RASSF5: variants seen among roughly 807,000 people sequenced by gnomAD.
RASSF5 encodes Ras association domain family member 5, also known as ras association domain-containing protein 5.
Under a neutral mutation model 40.5 loss-of-function variants are expected in RASSF5, and 25 were observed. The observed-to-expected ratio is 0.62, with a 90% CI of 0.45 to 0.86. The LOEUF (loss-of-function observed/expected upper bound fraction) is 0.86. RASSF5 is among the 40% of genes least tolerant of loss of function. The pLI is 0.00. For synonymous variants in RASSF5, 246 were observed against 252.4 expected (o/e 0.97, Z 0.24); for missense variants, 521 against 572.8 (o/e 0.91, Z 0.92).
At chr1:206,551,628 AG>A (rs1667843853) in intron 2 of RASSF5, among the ~76,000 whole-genome samples, 1 of 152,230 alleles carries the variant, frequency 6.6e-6, no homozygotes, top group South Asian at 2.1e-4. Context: ...CTTCCCAAAA[AG>A]GAGGCACCTG....
intron 2 of RASSF5, among the ~76,000 whole-genome samples, chr1:206,569,660 T>A (rs984964469): frequency 3.3e-5 from 5 of 152,236 alleles, no homozygotes; most frequent in African/African-American, 4.8e-5. Context: ...CTTAGTTTGC[T>A]CTAGAATGTG....
At chr1:206,519,320 T>C (rs1355168667) in intron 1 of RASSF5, among the ~76,000 whole-genome samples, 2 of 152,212 alleles carry the variant, frequency 1.3e-5, no homozygotes, top group Non-Finnish European at 2.9e-5. Context: ...GCACCTGCCT[T>C]CCAGCCTTGG....
At chr1:206,544,325 C>T (rs1205707387) in intron 2 of RASSF5, 2 of 152,188 alleles carry the variant, frequency 1.3e-5, no homozygotes, top group Non-Finnish European at 2.9e-5. Context: ...GTACCTCTAA[C>T]AGTCTTGCTA....
At chr1:206,512,608 A>G (rs368356388) in intron 1 of RASSF5, among the ~76,000 whole-genome samples, 82 of 152,020 alleles carry the variant, frequency 5.4e-4, no homozygotes, top group African/African-American at 1.6e-3. Context: ...CTTCTCCCCA[A>G]TTCTACCGGC....
chr1:206,584,515 C>A lies in RASSF5; in HGVS notation c.819C>A (p.Thr273=), dbSNP rs781985802. 5.0e-6 allele frequency: 8 copies of A among 1,614,028 alleles called. No homozygotes were observed. The Admixed American group carries it at 1.0e-4, about 20-fold the overall frequency. Residue 273 remains threonine (T), a synonymous_variant, in exon 4 of 6, where the codon ACC becomes ACA. Coordinates refer to ENST00000579436, the MANE Select transcript of RASSF5 (RefSeq NM_182663.4). This position sits in a 1 kb window ranked among gnomAD's most constrained non-coding sequence, Gnocchi z 4.9. The stretch of plus-strand genomic sequence containing the variant: ...TCAAGGAGGTGAACCTGGCGGCTAC[C>A]ACGGACAAGCGGACATCCTTCTACC... ...DAIKEVNLAA[T]TDKRTSFYLP...
chr1:206,567,802 C>T (rs1668327592), intron 2 of RASSF5, among the ~76,000 whole-genome samples: 4 of 152,012 alleles, frequency 2.6e-5, no homozygotes, highest in African/African-American at 2.4e-5. Context: ...GGTGATTGGG[C>T]GTTGATATGT....
At position 206,538,158 on chromosome 1, in the gene RASSF5, T is replaced by G. The variant is rs1480481004; in HGVS notation, c.458-14T>G. 1 of 1,614,072 alleles carries G rather than the reference T, an allele frequency of 6.2e-7. No individual in the cohort carries two copies. Among genetic ancestry groups the G allele is most frequent in the African/African-American group, 1.3e-5 (1 of 74,934 alleles). ...TGCCTGTCCTCTAATCTCCCTTTTG[T>G]TCTTTACCTCCAGACTGTAAATTCA... is the stretch of plus-strand genomic sequence containing the variant. On this transcript the variant is annotated splice_polypyrimidine_tract_variant and intron_variant, in intron 1 of 5. Coordinates refer to ENST00000579436, the MANE Select transcript of RASSF5 (RefSeq NM_182663.4).
At chr1:206,508,761 G>A (rs986876411) in intron 1 of RASSF5, among the ~76,000 whole-genome samples, 1 of 151,852 alleles carries the variant, frequency 6.6e-6, no homozygotes, top group Non-Finnish European at 1.5e-5. Flanking sequence ...TGCCCTAGTC[G>A]TCATGCTCTA....
chr1:206,524,804 G>C (rs868931701), intron 1 of RASSF5, among the ~76,000 whole-genome samples: 1 of 149,644 alleles, frequency 6.7e-6, no homozygotes, highest in Non-Finnish European at 1.5e-5. Context: ...GTTGAAGCAC[G>C]GATTGCTAAA....
intron 1 of RASSF5, among the ~76,000 whole-genome samples, chr1:206,523,077 G>A (rs564508529): frequency 6.6e-6 from 1 of 151,846 alleles, no homozygotes; most frequent in African/African-American, 2.4e-5. Context: ...GACTGAGGTG[G>A]GCAGACCACC....
At chr1:206,573,508 T>C (rs1553404585) in intron 2 of RASSF5, among the ~76,000 whole-genome samples, 1 of 152,222 alleles carries the variant, frequency 6.6e-6, no homozygotes, top group Non-Finnish European at 1.5e-5. Context: ...TCAGTATAAA[T>C]GGAAATCCAA....
At chr1:206,556,878 G>GT (rs1668003901) in intron 2 of RASSF5, among the ~76,000 whole-genome samples, 1 of 152,150 alleles carries the variant, frequency 6.6e-6, no homozygotes, top group African/African-American at 2.4e-5. Context: ...AGGAGGGATG[G>GT]TGTTGCCCTT....
intron 2 of RASSF5, among the ~76,000 whole-genome samples, chr1:206,546,089 A>ATTTTTT (rs10603701): frequency 8.3e-5 from 4 of 48,232 alleles, no homozygotes; most frequent in African/African-American, 1.6e-4. Flanking sequence ...TTCTTTTTCT[A>ATTTTTT]TTTTTTTTTT....
At chr1:206,524,072 TATA>T (rs1667018597) in intron 1 of RASSF5, among the ~76,000 whole-genome samples, 5 of 129,198 alleles carry the variant, frequency 3.9e-5, no homozygotes, top group Non-Finnish European at 7.7e-5. Flanking sequence ...ACATATATAA[TATA>T]TTTTATATAT....
chr1:206,534,924 C>T (rs1336414070), intron 1 of RASSF5, among the ~76,000 whole-genome samples: 1 of 152,188 alleles, frequency 6.6e-6, no homozygotes, highest in East Asian at 1.9e-4. Context: ...TTCCCTCCCT[C>T]CTTCCTCATC....
chr1:206,525,056 G>C (rs1553396987), intron 1 of RASSF5, among the ~76,000 whole-genome samples: 1 of 152,102 alleles, frequency 6.6e-6, no homozygotes, highest in Non-Finnish European at 1.5e-5. Context: ...AACTTGTTGT[G>C]AACTATCCTG....
chr1:206,587,463 G>A lies in RASSF5; in HGVS notation c.*485G>A, dbSNP rs1669164917. 3 of 201,540 alleles carry A rather than the reference G, an allele frequency of 1.5e-5. No individual in the cohort carries two copies. The South Asian group carries it at 2.3e-4, about 16-fold the overall frequency. 12.5% of individuals were successfully genotyped at this position (201,540 alleles called of 1,614,324 possible). A position where few individuals can be genotyped will look rare whatever the true frequency, so the allele number is the denominator to read the frequency against. Reference sequence around the variant, plus strand: ...GTCTGAGCTAAGCCCCTGAAAGCAGGGTAATGCTCATAAAAGGACTGTTCC... The same window carrying A: ...GTCTGAGCTAAGCCCCTGAAAGCAGAGTAATGCTCATAAAAGGACTGTTCC... On this transcript the variant is annotated 3_prime_UTR_variant, in exon 6 of 6. Coordinates refer to ENST00000579436, the MANE Select transcript of RASSF5 (RefSeq NM_182663.4).
At chr1:206,571,701 G>T (rs782732218) in intron 2 of RASSF5, among the ~76,000 whole-genome samples, 23 of 152,184 alleles carry the variant, frequency 1.5e-4, no homozygotes, top group Non-Finnish European at 2.6e-4. Flanking sequence ...CCAGGGGCAG[G>T]AGGCCAATTC....
chr1:206,572,005 G>T (rs1553404268), intron 2 of RASSF5, among the ~76,000 whole-genome samples: 1 of 152,174 alleles, frequency 6.6e-6, no homozygotes, highest in Non-Finnish European at 1.5e-5. Flanking sequence ...TGGAGCAGGG[G>T]AGAACAGAAA....
Sources: allele counts gnomAD v4.1 joint callset (sites outside exome capture counted in the v4.1 genomes callset), GRCh38; gene constraint gnomAD v4.1.1; non-coding constraint Gnocchi (gnomAD v3.1); transcripts MANE v1.5; gene names NCBI Gene and HGNC (gene_info 2026-07-23, HGNC 2026-07-21).